Variants in C1GALT1 observed in about 807,000 individuals in gnomAD.
C1GALT1 encodes the protein glycoprotein-N-acetylgalactosamine 3-beta-galactosyltransferase 1.
Under a neutral mutation model 31.0 loss-of-function variants are expected in C1GALT1, and 11 were observed. The observed-to-expected ratio is 0.36, with a 90% CI of 0.22 to 0.59. C1GALT1 has a LOEUF of 0.59. Ranked by LOEUF, C1GALT1 falls within the 20% of genes least tolerant of loss-of-function variation. C1GALT1 has a pLI of 0.79. For missense variants in C1GALT1, 424 were observed against 425.2 expected (o/e 1.00, Z 0.03); for synonymous variants, 175 against 143.6 (o/e 1.22, Z -1.56).
At chr7:7,242,648 G>T (rs1783684370) in intron 3 of C1GALT1, among the ~76,000 whole-genome samples, 1 of 151,986 alleles carries the variant, frequency 6.6e-6, no homozygotes, top group Admixed American at 6.6e-5. Context: ...ACTCTAGGTT[G>T]ACTGCTTAAT....
chr7:7,216,407 C>G (rs911192146), intron 1 of C1GALT1, among the ~76,000 whole-genome samples: 4 of 152,028 alleles, frequency 2.6e-5, no homozygotes, highest in Non-Finnish European at 4.4e-5. Flanking sequence ...TGGGGCTAAC[C>G]ACATCTACCC....
chr7:7,217,406 C>G (rs1055466309), intron 1 of C1GALT1, among the ~76,000 whole-genome samples: 3 of 152,050 alleles, frequency 2.0e-5, no homozygotes, highest in African/African-American at 7.2e-5. Context: ...CTACATCACC[C>G]AGGCTGCAGT....
At chr7:7,226,195 A>G (rs1186352826) in intron 1 of C1GALT1, among the ~76,000 whole-genome samples, 7 of 151,948 alleles carry the variant, frequency 4.6e-5, no homozygotes, top group African/African-American at 1.7e-4. Flanking sequence ...TCACTTTCAT[A>G]AGGAAAATCT....
intron 1 of C1GALT1, among the ~76,000 whole-genome samples, chr7:7,200,212 A>G (rs4035244): frequency 0.17 from 26,433 of 152,080 alleles, 2,775 homozygotes; most frequent in East Asian, 0.37. Flanking sequence ...TGCTGCCTTC[A>G]GGAGCTCTTG....
At chr7:7,210,733 G>C (rs191751275) in intron 1 of C1GALT1, among the ~76,000 whole-genome samples, 1 of 152,166 alleles carries the variant, frequency 6.6e-6, no homozygotes, top group South Asian at 2.1e-4. Context: ...TTCTACGCTC[G>C]TCGGGATTCC....
intron 1 of C1GALT1, among the ~76,000 whole-genome samples, chr7:7,199,139 T>C (rs547143806): frequency 1.9e-3 from 282 of 152,350 alleles, no homozygotes; most frequent in African/African-American, 6.6e-3. Flanking sequence ...AGGGTGTCAA[T>C]TTTAGATCTT....
At chr7:7,237,865 T>G (rs982803140) in intron 2 of C1GALT1, among the ~76,000 whole-genome samples, 1 of 152,174 alleles carries the variant, frequency 6.6e-6, no homozygotes, top group Non-Finnish European at 1.5e-5. Flanking sequence ...AGAGACTATT[T>G]AAGGCAGCAT....
chr7:7,185,171 C>T (rs1402104606), intron 1 of C1GALT1, among the ~76,000 whole-genome samples: 1 of 152,138 alleles, frequency 6.6e-6, no homozygotes, highest in Non-Finnish European at 1.5e-5. Context: ...AAAGGAAAGT[C>T]TAAATAAATT....
intron 1 of C1GALT1, among the ~76,000 whole-genome samples, chr7:7,206,286 C>G (rs891397395): frequency 6.6e-6 from 1 of 151,914 alleles, no homozygotes; most frequent in African/African-American, 2.4e-5. Context: ...TTTACTGTCA[C>G]TGCAATTTTT....
chr7:7,196,966 TA>T (rs1401959556), intron 1 of C1GALT1, among the ~76,000 whole-genome samples: 1 of 152,278 alleles, frequency 6.6e-6, no homozygotes, highest in East Asian at 1.9e-4. Context: ...GGGTAGATTG[TA>T]AAAATTTTCT....
intron 2 of C1GALT1, among the ~76,000 whole-genome samples, chr7:7,167,935 C>A (rs1233902252): frequency 6.6e-6 from 1 of 152,144 alleles, no homozygotes; most frequent in African/African-American, 2.4e-5. Context: ...ACCTTCTACT[C>A]CATTTTTTTC....
In C1GALT1 at chr7:7,192,295, C is replaced by G. The variant is rs538179540; in HGVS notation, c.-18+9475C>G. ...TGTAGTCATTTATCCCTCACCCCCTCCCACCCTTTACTTCAAGTTCCCAAA... is the reference window on the plus strand; with the variant it reads ...TGTAGTCATTTATCCCTCACCCCCTGCCACCCTTTACTTCAAGTTCCCAAA... On this transcript the variant is annotated intron_variant, in intron 1 of 3. Transcript: ENST00000436587. Among the ~76,000 whole-genome samples the G allele has an allele frequency of 1.8e-3, 273 of 152,048 alleles. 1 individual carries two copies. Among genetic ancestry groups the G allele is most frequent in the African/African-American group, 6.3e-3 (262 of 41,518 alleles).
At position 7,246,305 on chromosome 7, in the gene C1GALT1, A is replaced by G. The variant is rs1411586532; in HGVS notation, c.*2578A>G. The G allele has an allele frequency of 6.6e-6, 1 of 152,170 alleles. No individual in the cohort carries two copies. Among genetic ancestry groups the G allele is most frequent in the African/African-American group, 2.4e-5 (1 of 41,432 alleles). The allele number at this position is 152,170 out of a possible 1,614,324, so 9.4% of individuals were successfully genotyped here. ...ATTCAAAACCCTGTGTGTTCATTGG[A>G]ACCGTATCAGGCTTGGGGCTATTCA... On this transcript the variant is annotated 3_prime_UTR_variant, in exon 4 of 4. Transcript: ENST00000436587.
At chr7:7,186,324 A>C (rs549989016) in intron 1 of C1GALT1, among the ~76,000 whole-genome samples, 15 of 152,216 alleles carry the variant, frequency 9.9e-5, no homozygotes, top group Non-Finnish European at 2.1e-4. Context: ...GACCACAGCA[A>C]GTGCTTACTA....
intron 2 of C1GALT1, among the ~76,000 whole-genome samples, chr7:7,235,595 G>A (rs917441017): frequency 6.6e-6 from 1 of 152,142 alleles, no homozygotes; most frequent in Non-Finnish European, 1.5e-5. Flanking sequence ...ATAGTAAGCC[G>A]TACGAGGCCT....
At chr7:7,159,767 T>C (rs761479911) in intron 2 of C1GALT1, among the ~76,000 whole-genome samples, 2 of 152,220 alleles carry the variant, frequency 1.3e-5, no homozygotes, top group African/African-American at 2.4e-5. Flanking sequence ...ATGTAAGCTA[T>C]ATTCAAAAAA....
chr7:7,229,925 T>G (rs1254338161), intron 1 of C1GALT1, among the ~76,000 whole-genome samples: 3 of 152,210 alleles, frequency 2.0e-5, no homozygotes, highest in Non-Finnish European at 2.9e-5. Context: ...CTTTCTGAAC[T>G]TGAAGGTACA....
chr7:7,162,311 T>C (rs1297541379), intron 2 of C1GALT1, among the ~76,000 whole-genome samples: 1 of 129,290 alleles, frequency 7.7e-6, no homozygotes, highest in African/African-American at 3.0e-5. Context: ...TTCCCTTTCC[T>C]GTGTCCATGT....
chr7:7,207,255 A>G (rs1195284743), intron 1 of C1GALT1, among the ~76,000 whole-genome samples: 1 of 121,310 alleles, frequency 8.2e-6, no homozygotes, highest in Non-Finnish European at 1.8e-5. Flanking sequence ...TTTTAATTTC[A>G]TTTATTGTAC....
Sources: allele counts gnomAD v4.1 joint callset (sites outside exome capture counted in the v4.1 genomes callset), GRCh38; gene constraint gnomAD v4.1.1; transcripts MANE v1.5; gene names NCBI Gene and HGNC (gene_info 2026-07-23, HGNC 2026-07-21).